Variants in SLC22A13 observed in about 807,000 individuals in gnomAD.
SLC22A13 encodes solute carrier family 22 member 13, also known as organic anion transporter 10.
In SLC22A13, 42 loss-of-function variants were observed where a neutral mutation model predicts 49.1. The observed-to-expected ratio is 0.85, with a 90% CI of 0.67 to 1.11. SLC22A13 has a LOEUF of 1.11. SLC22A13 is among the 50% of genes least tolerant of loss of function. The pLI is 0.00. For synonymous variants in SLC22A13, 282 were observed against 293.1 expected (o/e 0.96, Z 0.39); for missense variants, 694 against 712.8 (o/e 0.97, Z 0.30).
At chr3:38,276,427 G>C in intron 8 of SLC22A13, 32 bp downstream of exon 8, 1 of 1,452,664 alleles carries the variant, frequency 6.9e-7, no homozygotes, top group Non-Finnish European at 9.6e-7. Context: ...CTGCTCCTCT[G>C]CTACTGAGAT....
At chr3:38,268,866 C>T (rs1036867231) in intron 1 of SLC22A13, among the ~76,000 whole-genome samples, 1 of 152,138 alleles carries the variant, frequency 6.6e-6, no homozygotes, top group Non-Finnish European at 1.5e-5. Flanking sequence ...TGTCCTCCTC[C>T]CTTTAAGGAC....
At chr3:38,271,542 CAAAAAAAAAAAAAAAAA>C (rs397837435) in intron 1 of SLC22A13, among the ~76,000 whole-genome samples, 1 of 48,408 alleles carries the variant, frequency 2.1e-5, no homozygotes, top group African/African-American at 6.0e-5. Context: ...GACGCTTTCT[CAAAAAAAAAAAAAAAAA>C]AAAAAAAAAA....
At chr3:38,275,695 C>A in intron 6 of SLC22A13, 23 bp downstream of exon 6, 1 of 1,607,608 alleles carries the variant, frequency 6.2e-7, no homozygotes, top group Non-Finnish European at 8.5e-7. Flanking sequence ...AACCCGAGGA[C>A]AGAACCACAG....
At chr3:38,275,299 T>G (rs1007220162) in intron 4 of SLC22A13, 71 bp from the exon 5 acceptor site, 10 of 1,604,234 alleles carry the variant, frequency 6.2e-6, no homozygotes, top group Non-Finnish European at 7.7e-6. Flanking sequence ...GGGGTTCAGT[T>G]TGCACTGGAA....
Position 38,274,301 on chromosome 3 carries a change from G to A in SLC22A13, c.408G>A (p.Leu136=). The change falls in exon 2 of 10, where the codon CTG becomes CTA. Residue 136 remains leucine, a synonymous_variant. Transcript: ENST00000311856. ...ACCTGGTTTGTGATCGGAAGCACCTGAAGGACACCACACAGTCAGTGTTCA... is the reference window on the plus strand; with the variant it reads ...ACCTGGTTTGTGATCGGAAGCACCTAAAGGACACCACACAGTCAGTGTTCA... ...EFNLVCDRKH[L]KDTTQSVFMA... 1 of 1,614,164 alleles carries A rather than the reference G, an allele frequency of 6.2e-7. No individual in the cohort carries two copies. Among genetic ancestry groups the A allele is most frequent in the East Asian group, 2.2e-5 (1 of 44,870 alleles).
chr3:38,266,568 C>A (rs1366801900), intron 1 of SLC22A13, among the ~76,000 whole-genome samples: 1 of 152,122 alleles, frequency 6.6e-6, no homozygotes, highest in Admixed American at 6.6e-5. Flanking sequence ...TTCTCTCTAC[C>A]CAGTGTGCTC....
intron 8 of SLC22A13, 62 bp from the exon 9 acceptor site, chr3:38,276,850 G>A: frequency 7.0e-7 from 1 of 1,425,578 alleles, no homozygotes; most frequent in Non-Finnish European, 9.7e-7. Flanking sequence ...AAATATACTA[G>A]GGTGAAGCTG....
At chr3:38,272,155 T>C (rs1312606624) in intron 1 of SLC22A13, among the ~76,000 whole-genome samples, 1 of 152,244 alleles carries the variant, frequency 6.6e-6, no homozygotes, top group Non-Finnish European at 1.5e-5. Context: ...ATAGCAGGTA[T>C]ATAAACTGAA....
At chr3:38,267,857 G>A (rs1401169936) in intron 1 of SLC22A13, among the ~76,000 whole-genome samples, 2 of 152,128 alleles carry the variant, frequency 1.3e-5, no homozygotes, top group African/African-American at 2.4e-5. Context: ...GAGAAGAGGG[G>A]AAGGCCTCTG....
intron 9 of SLC22A13, 99 bp from the exon 10 acceptor site, chr3:38,277,273 T>C (rs1378909485): frequency 8.6e-7 from 1 of 1,160,700 alleles, no homozygotes; most frequent in Non-Finnish European, 1.3e-6. Flanking sequence ...TCTGGCTGGC[T>C]TTAGTTCAGA....
rs1490002560 is a variant in SLC22A13, at chr3:38,275,058, G to T, written c.707G>T (p.Gly236Val). The change falls in exon 4 of 10, where the codon GGG becomes GTG. Residue 236 changes from glycine to valine, a missense_variant. Gly to Val is a moderately radical substitution (Grantham distance 109). Coordinates refer to ENST00000311856, the MANE Select transcript of SLC22A13 (RefSeq NM_004256.4). ...VVLAQCNFSLGQMVLAGLAYG... is the reference protein window; with the variant it reads ...VVLAQCNFSLVQMVLAGLAYG... ...CTGGCCCAGTGCAACTTCTCCCTCG[G>T]GCAGATGGTGCTTGCGGGACTCGCC... 2 of 1,614,248 alleles carry T rather than the reference G, an allele frequency of 1.2e-6. No individual in the cohort carries two copies. Among genetic ancestry groups the T allele is most frequent in the Non-Finnish European group, 1.7e-6 (2 of 1,180,040 alleles).
At chr3:38,275,213 G>C (rs1006120635) in intron 4 of SLC22A13, 56 bp downstream of exon 4, 1 of 1,601,884 alleles carries the variant, frequency 6.2e-7, no homozygotes, top group Admixed American at 1.7e-5. Flanking sequence ...GTTGTGGTGG[G>C]GTTGCAGTGC....
rs761849993 is a variant in SLC22A13, at chr3:38,274,728, G to A, written c.607G>A (p.Ala203Thr). Residue 203 changes from alanine to threonine, a missense_variant, in exon 3 of 10, where the codon GCT becomes ACT. Coordinates refer to ENST00000311856, the MANE Select transcript of SLC22A13 (RefSeq NM_004256.4). ...GCGCTTTGCTGTGGCTACTGCCGTC[G>A]CTGGACTTAGCTTCAGCAATGTCAC... ...ALRFAVATAV[A>T]GLSFSNVTLL... is the part of the protein sequence containing the mutation. 20 of 1,613,938 alleles carry A rather than the reference G, an allele frequency of 1.2e-5. No individual in the cohort carries two copies. The highest frequency in any genetic ancestry group is 1.5e-5 in the Non-Finnish European group (18 of 1,179,998).
Position 38,275,476 on chromosome 3 carries a change from G to A in SLC22A13, c.913G>A (p.Glu305Lys). Residue 305 changes from glutamate (E) to lysine (K), a missense_variant, in exon 5 of 10, where the codon GAG becomes AAG. Coordinates refer to ENST00000311856, the MANE Select transcript of SLC22A13 (RefSeq NM_004256.4). The part of the protein sequence containing the change: ...ASVNRRKLSP[E>K]LMNQLVPEKT... Reference sequence around the variant, plus strand: ...GGTCAATAGGCGGAAACTCTCCCCGGAGCTCATGAACCAGGTACTTCCAGC... The same window carrying A: ...GGTCAATAGGCGGAAACTCTCCCCGAAGCTCATGAACCAGGTACTTCCAGC... The A allele has an allele frequency of 5.0e-6, 8 of 1,614,172 alleles. No individual in the cohort carries two copies. Among genetic ancestry groups the A allele is most frequent in the Non-Finnish European group, 6.8e-6 (8 of 1,180,020 alleles).
rs1703572389 is a variant in SLC22A13, at chr3:38,275,660, T to A, written c.1010T>A (p.Ile337Asn). The change falls in exon 6 of 10, where the codon ATC (isoleucine) becomes AAC (asparagine). Residue 337 changes from isoleucine to asparagine, a missense_variant. Coordinates refer to ENST00000311856, the MANE Select transcript of SLC22A13 (RefSeq NM_004256.4). ...HPQLRKVTLIIFCVWFVDSLG... is the reference protein window; with the variant it reads ...HPQLRKVTLINFCVWFVDSLG... ...CAGCTCCGGAAGGTGACCCTGATTATCTTCTGTGTCTGGTGAGTGCCCAGA... is the reference window on the plus strand; with the variant it reads ...CAGCTCCGGAAGGTGACCCTGATTAACTTCTGTGTCTGGTGAGTGCCCAGA... The A allele has an allele frequency of 6.2e-7, 1 of 1,613,968 alleles. No homozygotes were observed. Among genetic ancestry groups the A allele is most frequent in the South Asian group, 1.1e-5 (1 of 91,088 alleles).
rs1261202926 is a variant in SLC22A13 at position 38,276,535 on chromosome 3, T to G, written c.1346+140T>G. 1.7e-5 allele frequency: 11 copies of G among 640,480 alleles called. No individual in the cohort carries two copies. In the African/African-American group the frequency reaches 2.0e-4, roughly 12 times the overall value. The allele number at this position is 640,480 out of a possible 1,614,324, so 39.7% of individuals were successfully genotyped here. A position where few individuals can be genotyped will look rare whatever the true frequency, so the allele number is the denominator to read the frequency against. On this transcript the variant is annotated intron_variant, in intron 8 of 9. Coordinates refer to ENST00000311856, the MANE Select transcript of SLC22A13 (RefSeq NM_004256.4). The stretch of plus-strand genomic sequence containing the variant: ...AGTGCTGGGCAGGGTCCAGGACAAC[T>G]AGAAATCTAGCCCAAGCCCTCAAGT...
chr3:38,275,187 C>G, intron 4 of SLC22A13, 30 bp downstream of exon 4: 3 of 1,612,594 alleles, frequency 1.9e-6, no homozygotes, highest in South Asian at 2.2e-5. Context: ...GGAGCAAGCC[C>G]CCCCAGGTTA....
chr3:38,274,773 C>T lies in SLC22A13; in HGVS notation c.637+15C>T. On this transcript the variant is annotated intron_variant, in intron 3 of 9. Coordinates refer to ENST00000311856, the MANE Select transcript of SLC22A13 (RefSeq NM_004256.4). ...TGTCACCCTACGTGAGTGTCTGGGC[C>T]CTGGAGCCTTCAGCCATAGGGTGAG... 2.5e-6 allele frequency: 4 copies of T among 1,609,298 alleles called. No individual in the cohort carries two copies. The highest frequency in any genetic ancestry group is 3.4e-6 in the Non-Finnish European group (4 of 1,177,210).
chr3:38,275,073 C>T lies in SLC22A13; in HGVS notation c.722C>T (p.Ala241Val), dbSNP rs557335370. 11 of 1,614,234 alleles carry T rather than the reference C, an allele frequency of 6.8e-6. No homozygotes were observed. Among genetic ancestry groups the T allele is most frequent in the African/African-American group, 2.7e-5 (2 of 75,070 alleles). The part of the protein sequence containing the change: ...CNFSLGQMVL[A>V]GLAYGFRNWR... ...TTCTCCCTCGGGCAGATGGTGCTTG[C>T]GGGACTCGCCTACGGTTTCCGCAAC... Residue 241 changes from alanine (A) to valine (V), a missense_variant, in exon 4 of 10, where the codon GCG (alanine) becomes GTG (valine). Transcript: ENST00000311856.
Sources: allele counts gnomAD v4.1 joint callset (sites outside exome capture counted in the v4.1 genomes callset), GRCh38; gene constraint gnomAD v4.1.1; transcripts MANE v1.5; gene names NCBI Gene and HGNC (gene_info 2026-07-23, HGNC 2026-07-21).